The following SPTLC1 variants were observed in gnomAD, a reference collection of about 807,000 sequenced individuals.
SPTLC1 encodes serine palmitoyltransferase long chain base subunit 1.
A neutral mutation model predicts 68.9 loss-of-function variants in SPTLC1; 55 were observed. The ratio of observed to expected loss-of-function variants is 0.80; its 90% CI spans 0.64 to 1.00. SPTLC1 has a LOEUF of 1.00. Among genes scored for constraint, SPTLC1 ranks in the 50% least tolerant of loss-of-function variants. The pLI is 0.00. For missense variants in SPTLC1, 449 were observed against 573.1 expected (o/e 0.78, Z 2.21); for synonymous variants, 197 against 201.6 (o/e 0.98, Z 0.19).
At chr9:92,100,059 CTGGGGAAAAAAAAGTCAAG>C (rs1835688836) in intron 3 of SPTLC1, among the ~76,000 whole-genome samples, 1 of 150,280 alleles carries the variant, frequency 6.7e-6, no homozygotes, top group African/African-American at 2.5e-5. Context: ...GTAAGGAAAC[CTGGGGAAAAAAAAGTCAAG>C]AAGAAAATAA....
chr9:92,081,997 C>A (rs574283607), intron 3 of SPTLC1, among the ~76,000 whole-genome samples: 2 of 152,130 alleles, frequency 1.3e-5, no homozygotes, highest in African/African-American at 4.8e-5. Context: ...CAAGAAGACT[C>A]AGTGAAAAAA....
intron 5 of SPTLC1, chr9:92,079,606 T>C: frequency 6.5e-7 from 1 of 1,545,804 alleles, no homozygotes; most frequent in Non-Finnish European, 8.9e-7. Flanking sequence ...CCCCCCTCCC[T>C]CCACCCCAGG....
chr9:92,032,259 C>A lies in SPTLC1; in HGVS notation c.*206G>T. On this transcript the variant is annotated 3_prime_UTR_variant, in exon 15 of 15. Transcript: ENST00000262554. ...AGTTTTCCTCTTAAAAAAATCAGTT[C>A]CTGGGCTTTTAGATGTGTTTTCTTT... The A allele has an allele frequency of 6.6e-7, 1 of 1,525,578 alleles. No individual in the cohort carries two copies. The highest frequency in any genetic ancestry group is 8.8e-7 in the Non-Finnish European group (1 of 1,141,800). The allele number at this position is 1,525,578 out of a possible 1,614,324, so 94.5% of individuals were successfully genotyped here.
intron 3 of SPTLC1, among the ~76,000 whole-genome samples, chr9:92,088,244 C>A (rs541868881): frequency 6.2e-4 from 95 of 152,386 alleles, no homozygotes; most frequent in African/African-American, 2.3e-3. Flanking sequence ...ACATGGTGCG[C>A]TGCACCCACT....
At chr9:92,102,785 G>A (rs1430200350) in intron 3 of SPTLC1, among the ~76,000 whole-genome samples, 1 of 152,148 alleles carries the variant, frequency 6.6e-6, no homozygotes, top group Non-Finnish European at 1.5e-5. Context: ...TTAACAAAAT[G>A]ACAGAAGTTA....
chr9:92,106,348 C>T (rs1835984676), intron 3 of SPTLC1, among the ~76,000 whole-genome samples: 1 of 151,920 alleles, frequency 6.6e-6, no homozygotes, highest in Non-Finnish European at 1.5e-5. Flanking sequence ...GTGGCTTGTG[C>T]CTGTAGTCTC....
chr9:92,102,825 TATAG>T (rs762325702), intron 3 of SPTLC1, among the ~76,000 whole-genome samples: 4 of 152,208 alleles, frequency 2.6e-5, no homozygotes, highest in Non-Finnish European at 4.4e-5. Context: ...TATCTTTGAA[TATAG>T]ATAGTTTTGA....
At chr9:92,048,133 T>C (rs927608642) in intron 9 of SPTLC1, among the ~76,000 whole-genome samples, 3 of 152,220 alleles carry the variant, frequency 2.0e-5, no homozygotes, top group Non-Finnish European at 1.5e-5. Flanking sequence ...ACTTTATTCT[T>C]GTATTCAGTT....
chr9:92,115,201 C>T, intron 1 of SPTLC1, 113 bp downstream of exon 1: 4 of 1,048,788 alleles, frequency 3.8e-6, no homozygotes, highest in South Asian at 3.8e-5. Flanking sequence ...GGCACCGAGT[C>T]TGGGCGTGAC....
At chr9:92,051,942 G>A (rs1026032216) in intron 8 of SPTLC1, among the ~76,000 whole-genome samples, 1 of 152,160 alleles carries the variant, frequency 6.6e-6, no homozygotes, top group Admixed American at 6.5e-5. Flanking sequence ...AAACATTGCT[G>A]AAGGAAATAT....
At chr9:92,090,479 G>A (rs1412940549) in intron 3 of SPTLC1, among the ~76,000 whole-genome samples, 1 of 152,020 alleles carries the variant, frequency 6.6e-6, no homozygotes, top group East Asian at 1.9e-4. Flanking sequence ...GGGTGTGGTG[G>A]TGCATGCCTG....
chr9:92,085,309 T>C (rs1367099561), intron 3 of SPTLC1, among the ~76,000 whole-genome samples: 3 of 145,712 alleles, frequency 2.1e-5, no homozygotes, highest in Non-Finnish European at 4.6e-5. Flanking sequence ...GCTCTTGCTT[T>C]TCTAGTTCTT....
intron 3 of SPTLC1, among the ~76,000 whole-genome samples, chr9:92,082,372 T>C (rs1834917835): frequency 1.3e-5 from 2 of 148,618 alleles, no homozygotes; most frequent in South Asian, 2.2e-4. Context: ...GTATATCTCC[T>C]AATGCTATCC....
intron 1 of SPTLC1, 97 bp downstream of exon 1, chr9:92,115,217 C>G (rs1836407521): frequency 1.9e-5 from 23 of 1,242,548 alleles, no homozygotes; most frequent in Non-Finnish European, 2.7e-5. Flanking sequence ...GTGACCGAGC[C>G]AGTCCCGCCG....
intron 7 of SPTLC1, among the ~76,000 whole-genome samples, chr9:92,057,259 G>C (rs1378674752): frequency 6.6e-6 from 1 of 152,078 alleles, no homozygotes; most frequent in African/African-American, 2.4e-5. Context: ...CCTAATGTTG[G>C]ATTTAGTTGT....
intron 5 of SPTLC1, among the ~76,000 whole-genome samples, chr9:92,072,715 C>T (rs966264443): frequency 4.6e-5 from 7 of 152,178 alleles, no homozygotes; most frequent in East Asian, 1.9e-4. Flanking sequence ...TGGCTCTCAG[C>T]GGACAGAAAA....
chr9:92,067,340 C>T (rs1483227070), intron 6 of SPTLC1, among the ~76,000 whole-genome samples: 2 of 151,684 alleles, frequency 1.3e-5, no homozygotes, highest in Non-Finnish European at 2.9e-5. Flanking sequence ...AAATTAAAGT[C>T]AATTTGAGAC....
intron 12 of SPTLC1, among the ~76,000 whole-genome samples, chr9:92,039,245 T>A (rs1833256937): frequency 1.3e-5 from 2 of 152,216 alleles, no homozygotes; most frequent in Non-Finnish European, 2.9e-5. Context: ...AAGTTTTAGA[T>A]TTTACTTGGA....
chr9:92,091,972 C>T (rs1835377238), intron 3 of SPTLC1, among the ~76,000 whole-genome samples: 1 of 152,102 alleles, frequency 6.6e-6, no homozygotes, highest in Non-Finnish European at 1.5e-5. Flanking sequence ...ATGCTGAGCC[C>T]ACATACATTT....
Sources: allele counts gnomAD v4.1 joint callset (sites outside exome capture counted in the v4.1 genomes callset), GRCh38; gene constraint gnomAD v4.1.1; transcripts MANE v1.5; gene names NCBI Gene and HGNC (gene_info 2026-07-23, HGNC 2026-07-21).